GABRP: variants seen among roughly 807,000 people sequenced by gnomAD.
The protein encoded by GABRP is gamma-aminobutyric acid type A receptor subunit pi, also known as gamma-aminobutyric acid receptor subunit pi.
In GABRP, 52 loss-of-function variants were observed where a neutral mutation model predicts 47.8. The ratio of observed to expected loss-of-function variants is 1.09; its 90% confidence interval spans 0.87 to 1.37. GABRP has a LOEUF of 1.37. Among genes scored for constraint, GABRP ranks in the 40% most tolerant of loss-of-function variants. GABRP has a pLI of 0.00. For missense variants in GABRP, 525 were observed against 542.8 expected (o/e 0.97, Z 0.33); for synonymous variants, 221 against 205.8 (o/e 1.07, Z -0.63).
At chr5:170,811,868 G>A in intron 9 of GABRP, 88 bp from the exon 10 acceptor site, 1 of 1,192,242 alleles carries the variant, frequency 8.4e-7, no homozygotes, top group South Asian at 1.4e-5. Flanking sequence ...TCAACACTTA[G>A]GCCTCTAAAC....
At chr5:170,804,898 G>A (rs1581603955) in intron 6 of GABRP, among the ~76,000 whole-genome samples, 4 of 150,768 alleles carry the variant, frequency 2.7e-5, no homozygotes, top group African/African-American at 9.7e-5. Context: ...CTATGGAACA[G>A]CATTTATTGA....
At chr5:170,799,950 C>T (rs950186257) in intron 6 of GABRP, among the ~76,000 whole-genome samples, 2 of 152,166 alleles carry the variant, frequency 1.3e-5, no homozygotes, top group Non-Finnish European at 1.5e-5. Context: ...CCATCCCCAT[C>T]AAGCTACCAA....
chr5:170,787,792 G>C (rs1231168457), intron 1 of GABRP, among the ~76,000 whole-genome samples: 1 of 152,192 alleles, frequency 6.6e-6, no homozygotes, highest in South Asian at 2.1e-4. Context: ...ATGACCTCCT[G>C]ACACTGGAGG....
At chr5:170,798,602 G>A (rs796731300) in intron 6 of GABRP, among the ~76,000 whole-genome samples, 6 of 152,050 alleles carry the variant, frequency 3.9e-5, no homozygotes, top group African/African-American at 1.4e-4. Context: ...CTATGACCAT[G>A]TTCTTTGCCA....
At chr5:170,785,406 T>C (rs1765100470) in intron 1 of GABRP, among the ~76,000 whole-genome samples, 1 of 152,234 alleles carries the variant, frequency 6.6e-6, no homozygotes, top group South Asian at 2.1e-4. Flanking sequence ...CCAGCAGCCA[T>C]GAGAATTAAA....
chr5:170,811,824 G>A, intron 9 of GABRP, 132 bp from the exon 10 acceptor site: 1 of 827,564 alleles, frequency 1.2e-6, no homozygotes, highest in Non-Finnish European at 1.9e-6. Flanking sequence ...AATTTCTGAA[G>A]CACTCAATGC....
chr5:170,791,685 C>A (rs1765274747), intron 3 of GABRP, among the ~76,000 whole-genome samples: 1 of 149,236 alleles, frequency 6.7e-6, no homozygotes, highest in African/African-American at 2.5e-5. Flanking sequence ...GCTCTCGTGT[C>A]TTTTCCATTC....
intron 7 of GABRP, among the ~76,000 whole-genome samples, chr5:170,807,092 G>A (rs984694437): frequency 6.6e-6 from 1 of 152,004 alleles, no homozygotes; most frequent in African/African-American, 2.4e-5. Flanking sequence ...GGGACTATAG[G>A]TGTGTGCCAT....
chr5:170,783,905 T>G (rs551425217), intron 1 of GABRP, 31 bp downstream of exon 1: 3 of 152,218 alleles, frequency 2.0e-5, no homozygotes. Flanking sequence ...TCCAGGTGTC[T>G]GGAGAGAGGG....
chr5:170,787,047 T>A (rs1765147365), intron 1 of GABRP, among the ~76,000 whole-genome samples: 1 of 151,996 alleles, frequency 6.6e-6, no homozygotes, highest in Admixed American at 6.5e-5. Context: ...ATAGCAAAAT[T>A]GAGCCTTCCC....
At chr5:170,809,101 T>G (rs2127266412) in intron 8 of GABRP, among the ~76,000 whole-genome samples, 1 of 152,264 alleles carries the variant, frequency 6.6e-6, no homozygotes, top group South Asian at 2.1e-4. Context: ...GATGCCCAAC[T>G]TATTTTTGTA....
chr5:170,794,419 A>G, intron 4 of GABRP, 121 bp downstream of exon 4: 1 of 520,326 alleles, frequency 1.9e-6, no homozygotes. Flanking sequence ...GCCCTCCTCC[A>G]TTTGGAATGG....
intron 1 of GABRP, among the ~76,000 whole-genome samples, chr5:170,785,701 G>A (rs1554118663): frequency 6.6e-6 from 1 of 152,194 alleles, no homozygotes; most frequent in Non-Finnish European, 1.5e-5. Flanking sequence ...AGACTGGATG[G>A]TTCCCCAAAT....
At chr5:170,794,916 G>A (rs189589660) in intron 4 of GABRP, among the ~76,000 whole-genome samples, 243 of 151,424 alleles carry the variant, frequency 1.6e-3, no homozygotes, top group Middle Eastern at 3.4e-3. Flanking sequence ...TGAACATGGC[G>A]TTCCCTTTTG....
Position 170,798,705 on chromosome 5 carries a change from C to G in GABRP, c.541+1157C>G, listed in dbSNP as rs568318487. ...ATGGACTTTTCATCAATGTACTCAT[C>G]ATTTGTCAGCAAATATGTCCAGGGC... On this transcript the variant is annotated intron_variant, in intron 6 of 9. Coordinates refer to ENST00000265294, the MANE Select transcript of GABRP (RefSeq NM_014211.3). Among the ~76,000 whole-genome samples the G allele has an allele frequency of 8.0e-4, 121 of 152,176 alleles. 1 individual carries two copies. Among genetic ancestry groups the G allele is most frequent in the African/African-American group, 2.9e-3 (120 of 41,526 alleles).
chr5:170,798,522 C>T (rs1004488874), intron 6 of GABRP, among the ~76,000 whole-genome samples: 4 of 152,058 alleles, frequency 2.6e-5, no homozygotes, highest in Admixed American at 6.6e-5. Flanking sequence ...GAGACCTAAA[C>T]TTTTAATATT....
chr5:170,808,554 G>T (rs368787734), intron 7 of GABRP, 46 bp from the exon 8 acceptor site: 4 of 1,573,294 alleles, frequency 2.5e-6, no homozygotes, highest in Admixed American at 1.7e-5. Flanking sequence ...GAAACCACTT[G>T]CTACACGAAC....
At chr5:170,789,929 G>A (rs1222314899) in intron 3 of GABRP, among the ~76,000 whole-genome samples, 3 of 152,134 alleles carry the variant, frequency 2.0e-5, no homozygotes, top group Non-Finnish European at 4.4e-5. Context: ...AGCAAACGCT[G>A]CCTTCTCTGA....
intron 1 of GABRP, chr5:170,788,225 TG>T (rs1765173673): frequency 6.0e-6 from 1 of 165,908 alleles, no homozygotes; most frequent in Non-Finnish European, 1.3e-5. Flanking sequence ...GGTACATGCC[TG>T]TAGTCCCAGC....
Sources: gnomAD v4.1 joint callset for allele counts (sites outside exome capture counted in the v4.1 genomes callset) on GRCh38, gnomAD v4.1.1 for gene constraint, MANE v1.5 for transcripts, NCBI Gene and HGNC (gene_info 2026-07-23, HGNC 2026-07-21) for gene names.